CA10: variants seen among roughly 807,000 people sequenced by gnomAD.
The protein encoded by CA10 is carbonic anhydrase-related protein 10.
Under a neutral mutation model 44.2 loss-of-function variants are expected in CA10, and 14 were observed. The ratio of observed to expected loss-of-function variants is 0.32; its 90% CI spans 0.21 to 0.50. CA10 has a LOEUF of 0.50. Among genes scored for constraint, CA10 ranks in the 20% least tolerant of loss-of-function variants. The probability of loss-of-function intolerance (pLI) is 0.99; values close to 1 mark genes in which losing one functional copy is unlikely to be tolerated. For missense variants in CA10, 350 were observed against 409.7 expected (o/e 0.85, Z 1.26); for synonymous variants, 159 against 141.6 (o/e 1.12, Z -0.87).
At chr17:52,064,260 CT>C (rs1987472323) in intron 2 of CA10, among the ~76,000 whole-genome samples, 1 of 152,182 alleles carries the variant, frequency 6.6e-6, no homozygotes, top group African/African-American at 2.4e-5. Flanking sequence ...AGAATGACAC[CT>C]TTTTCAGCCT....
chr17:51,838,690 C>T (rs1978296110), intron 3 of CA10, among the ~76,000 whole-genome samples: 1 of 152,244 alleles, frequency 6.6e-6, no homozygotes, highest in Non-Finnish European at 1.5e-5. Flanking sequence ...AAGAGCCCTT[C>T]CCCTTTACAT....
At chr17:52,051,407 A>G (rs1170100830) in intron 2 of CA10, among the ~76,000 whole-genome samples, 1 of 151,976 alleles carries the variant, frequency 6.6e-6, no homozygotes, top group Non-Finnish European at 1.5e-5. Flanking sequence ...ACATCCTACA[A>G]AGGTCTAATA....
chr17:51,902,781 C>T (rs1020103951), intron 3 of CA10, among the ~76,000 whole-genome samples: 3 of 152,184 alleles, frequency 2.0e-5, no homozygotes, highest in African/African-American at 7.2e-5. Context: ...CTCTGCCATT[C>T]ATGCAACACT....
intron 3 of CA10, among the ~76,000 whole-genome samples, chr17:51,830,868 G>A (rs1314772064): frequency 6.6e-6 from 1 of 152,160 alleles, no homozygotes; most frequent in Non-Finnish European, 1.5e-5. Flanking sequence ...TCAAAAACAG[G>A]AGACTAGAAA....
At chr17:51,701,006 T>G (rs1915580964) in intron 4 of CA10, among the ~76,000 whole-genome samples, 1 of 152,040 alleles carries the variant, frequency 6.6e-6, no homozygotes, top group Non-Finnish European at 1.5e-5. Flanking sequence ...GATGGATAGG[T>G]GCAGCAAATC....
At position 51,760,482 on chromosome 17, in the gene CA10, G is replaced by C. The variant is rs1210428103; in HGVS notation, c.280-12664C>G. ...CGGTGGAGATGGTGGCGGTATGGAGGAGCATCATCTCTCATCTCTTGGATG... is the reference window on the plus strand; with the variant it reads ...CGGTGGAGATGGTGGCGGTATGGAGCAGCATCATCTCTCATCTCTTGGATG... On this transcript the variant is annotated intron_variant, in intron 3 of 8. Coordinates refer to ENST00000451037, the MANE Select transcript of CA10 (RefSeq NM_020178.5). 3.9e-5 allele frequency among the ~76,000 whole-genome samples: 6 copies of C among 152,084 alleles called. No individual in the cohort carries two copies. The East Asian group carries it at 1.2e-3, about 29-fold the overall frequency.
chr17:51,815,136 GTATC>G (rs1907516247), intron 3 of CA10, among the ~76,000 whole-genome samples: 1 of 152,028 alleles, frequency 6.6e-6, no homozygotes. Context: ...ACGTTTGAAA[GTATC>G]TGGGGACATT....
intron 2 of CA10, among the ~76,000 whole-genome samples, chr17:52,051,132 A>G (rs970877574): frequency 9.4e-5 from 14 of 149,558 alleles, no homozygotes; most frequent in African/African-American, 3.2e-4. Flanking sequence ...AAGAAAAGAA[A>G]GGAAGAAATG....
At chr17:51,752,206 G>A (rs561573726) in intron 3 of CA10, among the ~76,000 whole-genome samples, 3 of 151,702 alleles carry the variant, frequency 2.0e-5, no homozygotes, top group East Asian at 1.9e-4. Flanking sequence ...GCTTGACAAC[G>A]TTATGTATGA....
chr17:51,772,420 TATAAA>T (rs1439063951), intron 3 of CA10, among the ~76,000 whole-genome samples: 4 of 152,330 alleles, frequency 2.6e-5, no homozygotes, highest in East Asian at 3.9e-4. Context: ...AAAAAAGTGA[TATAAA>T]ATAAGATTTC....
At chr17:51,803,046 G>T (rs950874714) in intron 3 of CA10, among the ~76,000 whole-genome samples, 2 of 152,138 alleles carry the variant, frequency 1.3e-5, no homozygotes, top group African/African-American at 4.8e-5. Context: ...ATGCTACTCC[G>T]GGTTTAAATG....
intron 2 of CA10, among the ~76,000 whole-genome samples, chr17:51,947,735 A>G (rs1490513774): frequency 6.6e-6 from 1 of 152,070 alleles, no homozygotes; most frequent in African/African-American, 2.4e-5. Context: ...TGGTGCACTT[A>G]GCACACCTTG....
intron 4 of CA10, among the ~76,000 whole-genome samples, chr17:51,668,195 C>T (rs752419639): frequency 3.9e-5 from 6 of 152,144 alleles, no homozygotes; most frequent in Admixed American, 6.5e-5. Flanking sequence ...TTCCCAAGGG[C>T]GAGTGGGTAC....
At chr17:51,677,528 A>G (rs900650654) in intron 4 of CA10, among the ~76,000 whole-genome samples, 1 of 152,164 alleles carries the variant, frequency 6.6e-6, no homozygotes, top group African/African-American at 2.4e-5. Context: ...CTCTTTTCTT[A>G]TAATGTACCC....
At chr17:52,011,085 C>T (rs1325981502) in intron 2 of CA10, among the ~76,000 whole-genome samples, 1 of 151,880 alleles carries the variant, frequency 6.6e-6, no homozygotes, top group African/African-American at 2.4e-5. Flanking sequence ...CTGAGCCTTA[C>T]TTTCTATGCC....
At chr17:52,047,155 AG>A (rs1418034427) in intron 2 of CA10, among the ~76,000 whole-genome samples, 1 of 152,024 alleles carries the variant, frequency 6.6e-6, no homozygotes, top group Non-Finnish European at 1.5e-5. Flanking sequence ...CTGCTAATAC[AG>A]TCAACAATAT....
At chr17:51,817,686 C>T (rs115005455) in intron 3 of CA10, among the ~76,000 whole-genome samples, 2,412 of 152,250 alleles carry the variant, frequency 0.016, 85 homozygotes, top group African/African-American at 0.056. Context: ...CCGACATCCT[C>T]AGATCTAGAA....
At chr17:51,961,049 T>G (rs1366469692) in intron 2 of CA10, among the ~76,000 whole-genome samples, 1 of 152,178 alleles carries the variant, frequency 6.6e-6, no homozygotes, top group Admixed American at 6.5e-5. Context: ...TAACTATAGA[T>G]TGCAGCTTCA....
chr17:51,937,521 G>T (rs1157623437), intron 2 of CA10, among the ~76,000 whole-genome samples: 1 of 152,102 alleles, frequency 6.6e-6, no homozygotes, highest in African/African-American at 2.4e-5. Flanking sequence ...CATTGTTAAA[G>T]GTAAGTTCTC....
Sources: gnomAD v4.1 joint callset for allele counts (sites outside exome capture counted in the v4.1 genomes callset) on GRCh38, gnomAD v4.1.1 for gene constraint, MANE v1.5 for transcripts, NCBI Gene and HGNC (gene_info 2026-07-23, HGNC 2026-07-21) for gene names.